Variants in ZNF418 observed in about 807,000 individuals in gnomAD.
The protein encoded by ZNF418 is zinc finger protein 418.
ZNF418 carries 32 observed loss-of-function variants against 32.0 expected under a neutral mutation model. That is an observed-to-expected ratio of 1.00 (90% CI 0.75 to 1.34). The LOEUF (loss-of-function observed/expected upper bound fraction) is 1.34. Among genes scored for constraint, ZNF418 ranks in the 40% most tolerant of loss-of-function variants. The probability of loss-of-function intolerance (pLI) is 0.00; values close to 1 mark genes in which losing one functional copy is unlikely to be tolerated. For synonymous variants in ZNF418, 276 were observed against 270.7 expected (o/e 1.02, Z -0.19); for missense variants, 804 against 812.5 (o/e 0.99, Z 0.13).
chr19:57,930,447 C>T lies in ZNF418; in HGVS notation c.114G>A (p.Trp38Ter), dbSNP rs1487930211. ...ACTTACCCAGGGAGGATATAAGTAC[C>T]CAGTTCTCCAGCATCACGTCATGGT... ...CLYHDVMLENWVLISSLGCWC... is the reference protein window; with the variant it reads ...CLYHDVMLEN Residue 38 changes from tryptophan (W) to a stop codon, truncating the protein, a stop_gained, in exon 3 of 6, where the codon TGG (tryptophan) becomes TGA (stop). Transcript: ENST00000396147. LOFTEE classifies it high-confidence loss of function. The T allele has an allele frequency of 1.9e-6, 3 of 1,613,924 alleles. No homozygotes were observed. The highest frequency in any genetic ancestry group is 1.3e-5 in the African/African-American group (1 of 74,864).
Position 57,927,994 on chromosome 19 carries a change from T to G in ZNF418, c.187A>C (p.Ile63Leu), listed in dbSNP as rs199724506. 4.4e-6 allele frequency: 7 copies of G among 1,590,022 alleles called. No homozygotes were observed. Among genetic ancestry groups the G allele is most frequent in the Non-Finnish European group, 6.0e-6 (7 of 1,165,048 alleles). The change falls in exon 4 of 6, where the codon ATA (isoleucine) becomes CTA (leucine). Residue 63 changes from isoleucine (I) to leucine (L), a missense_variant. By Grantham distance (5) the Ile-to-Leu change is conservative. Around this residue, in one of 3 missense-constraint regions of ZNF418, gnomAD observed 307 missense variants for 304.9 expected, o/e 1.01. Transcript: ENST00000396147. ...GTGCTGACCTGAGACACTCTTTGTA[T>G]AGAAATGCTCTTCTTAGAAGGTGCC... Reference protein sequence around the residue: ...EEAPSKKSISIQRVSQVSTPG... With the variant: ...EEAPSKKSISLQRVSQVSTPG...
chr19:57,926,911 T>C lies in ZNF418; in HGVS notation c.1270A>G (p.Arg424Gly), dbSNP rs2072254930. The C allele has an allele frequency of 6.2e-7, 1 of 1,614,058 alleles. No individual in the cohort carries two copies. The highest frequency in any genetic ancestry group is 8.5e-7 in the Non-Finnish European group (1 of 1,179,970). ...RNHQRGHTGE[R>G]PYECGECGKS... is the part of the protein sequence containing the mutation. ...CCACATTCTCCACACTCGTAAGGTC[T>C]TTCTCCAGTGTGACCTCGCTGATGG... The change falls in exon 4 of 6, where the codon AGA becomes GGA. Residue 424 changes from arginine (R) to glycine (G), a missense_variant. Arg to Gly is a moderately radical substitution (Grantham distance 125). Around this residue, in one of 3 missense-constraint regions of ZNF418, gnomAD observed 475 missense variants for 458.6 expected, o/e 1.04. Transcript: ENST00000396147.
intron 1 of ZNF418, chr19:57,934,949 C>A: frequency 7.7e-7 from 1 of 1,301,694 alleles, no homozygotes; most frequent in African/African-American, 1.5e-5. Flanking sequence ...CCTCCCGGGT[C>A]TGTCCTCCAG....
chr19:57,926,779 G>A lies in ZNF418; in HGVS notation c.1402C>T (p.His468Tyr), dbSNP rs951601640. 6.2e-7 allele frequency: 1 copy of A among 1,613,366 alleles called. No individual in the cohort carries two copies. Among genetic ancestry groups the A allele is most frequent in the African/African-American group, 1.3e-5 (1 of 74,690 alleles). Residue 468 changes from histidine (H) to tyrosine (Y), a missense_variant, in exon 4 of 6, where the codon CAC (histidine) becomes TAC (tyrosine). Coordinates refer to ENST00000396147, the MANE Select transcript of ZNF418 (RefSeq NM_133460.3). ...ECRKLFRGKSHLIEHQRVHTG... is the reference protein window; with the variant it reads ...ECRKLFRGKSYLIEHQRVHTG... ...TGAACTCTCTGGTGTTCAATGAGGT[G>A]GGACTTGCCCCTAAATAATTTCCTA...
At chr19:57,932,434 G>C (rs769541429) in intron 2 of ZNF418, 357 of 1,535,212 alleles carry the variant, frequency 2.3e-4, no homozygotes, top group Non-Finnish European at 3.0e-4. Context: ...TATTACCACA[G>C]AATTCTCATG....
intron 4 of ZNF418, among the ~76,000 whole-genome samples, chr19:57,923,732 G>A (rs2072101455): frequency 6.6e-6 from 1 of 151,692 alleles, no homozygotes; most frequent in South Asian, 2.1e-4. Flanking sequence ...CTGCCACCAC[G>A]CCCAGCTAAT....
chr19:57,932,515 A>C, intron 2 of ZNF418: 1 of 1,535,198 alleles, frequency 6.5e-7, no homozygotes, highest in Non-Finnish European at 8.7e-7. Context: ...TCCCCACAGA[A>C]CCAGGTGGGG....
intron 1 of ZNF418, chr19:57,934,864 C>A (rs1188004994): frequency 4.6e-6 from 2 of 432,626 alleles, no homozygotes; most frequent in Non-Finnish European, 7.7e-6. Context: ...ATACACAGCC[C>A]CCAGCCTGCT....
At chr19:57,933,361 C>T (rs1015326321) in intron 2 of ZNF418, among the ~76,000 whole-genome samples, 1 of 151,982 alleles carries the variant, frequency 6.6e-6, no homozygotes, top group African/African-American at 2.4e-5. Context: ...GGGTAGATCA[C>T]GAGGTCAGGA....
intron 1 of ZNF418, chr19:57,934,194 A>G: frequency 1.7e-6 from 2 of 1,148,112 alleles, no homozygotes; most frequent in Non-Finnish European, 2.1e-6. Context: ...GAATAAGGCC[A>G]GTGAGGGAAT....
chr19:57,934,080 A>G, intron 1 of ZNF418, 178 bp from the exon 2 acceptor site: 1 of 1,415,536 alleles, frequency 7.1e-7, no homozygotes, highest in Non-Finnish European at 9.2e-7. Context: ...TCATGGACTT[A>G]GGATTCTGGG....
intron 3 of ZNF418, among the ~76,000 whole-genome samples, chr19:57,929,077 C>T (rs933265271): frequency 3.9e-5 from 6 of 152,110 alleles, no homozygotes; most frequent in African/African-American, 1.2e-4. Context: ...TCGGACAGCA[C>T]TCTAGAAGTA....
chr19:57,933,695 T>C (rs2072571560), intron 2 of ZNF418, 122 bp downstream of exon 2: 1 of 1,297,918 alleles, frequency 7.7e-7, no homozygotes, highest in South Asian at 1.2e-5. Flanking sequence ...CACTCCAGCC[T>C]GGGCGATAGA....
intron 3 of ZNF418, among the ~76,000 whole-genome samples, 185 bp from the exon 4 acceptor site, chr19:57,928,232 A>G (rs1298883366): frequency 6.6e-6 from 1 of 152,228 alleles, no homozygotes; most frequent in Non-Finnish European, 1.5e-5. Context: ...TGTCGGCCTC[A>G]TGATATGAAG....
rs1215217859 is a variant in ZNF418, at chr19:57,927,422, A to G, written c.759T>C (p.Thr253=). 7 of 1,614,250 alleles carry G rather than the reference A, an allele frequency of 4.3e-6. No homozygotes were observed. The highest frequency in any genetic ancestry group is 5.9e-6 in the Non-Finnish European group (7 of 1,180,052). ...DSVSNHQRVH[T]GKRPYECGEC... The stretch of plus-strand genomic sequence containing the variant: ...CTCCACATTCATAAGGTCTTTTCCC[A>G]GTGTGAACTCTCTGATGATTACTGA... Residue 253 remains threonine, a synonymous_variant, in exon 4 of 6, where the codon ACT becomes ACC. Coordinates refer to ENST00000396147, the MANE Select transcript of ZNF418 (RefSeq NM_133460.3).
rs199978060 is a variant in ZNF418 at position 57,927,582 on chromosome 19, T to A, written c.599A>T (p.Asp200Val). 1.7e-4 allele frequency: 270 copies of A among 1,614,150 alleles called. No individual in the cohort carries two copies. The highest frequency in any genetic ancestry group is 2.1e-4 in the Non-Finnish European group (247 of 1,180,028). ...PECESPFQWGDTHYSCGECMK... is the reference protein window; with the variant it reads ...PECESPFQWGVTHYSCGECMK... ...GCATTCTCCACAGCTGTAATGAGTA[T>A]CTCCCCACTGAAAGGGAGACTCACA... The change falls in exon 4 of 6, where the codon GAT (aspartate) becomes GTT (valine). Residue 200 changes from aspartate (D) to valine (V), a missense_variant. Transcript: ENST00000396147.
Position 57,933,905 on chromosome 19 carries a change from G to A in ZNF418, c.-80-3C>T. The stretch of plus-strand genomic sequence containing the variant: ...TCTTCTTTGCAGCCAGATGATGCCT[G>A]CAGACAAATGGGACTGTGGTAACAT... On this transcript the variant is annotated splice_region_variant and splice_polypyrimidine_tract_variant and intron_variant, in intron 1 of 5. Coordinates refer to ENST00000396147, the MANE Select transcript of ZNF418 (RefSeq NM_133460.3). The A allele has an allele frequency of 6.2e-7, 1 of 1,612,806 alleles. No homozygotes were observed. Among genetic ancestry groups the A allele is most frequent in the Non-Finnish European group, 8.5e-7 (1 of 1,179,936 alleles).
chr19:57,925,199 G>A (rs776558895), intron 4 of ZNF418, among the ~76,000 whole-genome samples: 64 of 152,160 alleles, frequency 4.2e-4, no homozygotes, highest in Non-Finnish European at 1.6e-4. Context: ...GGTGGCTCAC[G>A]CCTGTAATCC....
intron 4 of ZNF418, among the ~76,000 whole-genome samples, chr19:57,923,740 A>T (rs1019262974): frequency 4.0e-5 from 6 of 151,710 alleles, no homozygotes; most frequent in Middle Eastern, 3.4e-3. Flanking sequence ...ACGCCCAGCT[A>T]ATTTTTTGTA....
Sources: gnomAD v4.1 joint callset for allele counts (sites outside exome capture counted in the v4.1 genomes callset) on GRCh38, gnomAD v4.1.1 for gene constraint, gnomAD v4.1.1 regional missense constraint, MANE v1.5 for transcripts, NCBI Gene and HGNC (gene_info 2026-07-23, HGNC 2026-07-21) for gene names.